Variants in TMEM135 observed in about 807,000 individuals in gnomAD.
TMEM135 encodes peroxisomal membrane protein 52.
A neutral mutation model predicts 60.3 loss-of-function variants in TMEM135; 30 were observed. The observed-to-expected ratio is 0.50, with a 90% confidence interval of 0.37 to 0.68. TMEM135 has a LOEUF of 0.68. Among genes scored for constraint, TMEM135 ranks in the 30% least tolerant of loss-of-function variants. The pLI, the probability that TMEM135 is intolerant of heterozygous loss-of-function variation, is 0.00. For synonymous variants in TMEM135, 190 were observed against 186.7 expected, an observed-to-expected ratio of 1.02 and a Z score of -0.14; for missense variants, 468 against 548.8, an observed-to-expected ratio of 0.85 and a Z score of 1.47.
chr11:87,324,826 T>C lies in TMEM135; in HGVS notation c.*3493T>C, dbSNP rs1201717231. 2 of 453,826 alleles carry C rather than the reference T, an allele frequency of 4.4e-6. No individual in the cohort carries two copies. Among genetic ancestry groups the C allele is most frequent in the African/African-American group, 4.0e-5 (2 of 49,962 alleles). The allele number at this position is 453,826 out of a possible 1,614,324, so 28.1% of individuals were successfully genotyped here. A position where few individuals can be genotyped will look rare whatever the true frequency, so the allele number is the denominator to read the frequency against. ...AAAGTATACATTTCTTACTAAGATA[T>C]CTTATAAACATTCTCTCTCCTAACA... On this transcript the variant is annotated 3_prime_UTR_variant, in exon 15 of 15. Coordinates refer to ENST00000305494, the MANE Select transcript of TMEM135 (RefSeq NM_022918.4).
At chr11:87,069,385 T>C (rs1048076520) in intron 2 of TMEM135, among the ~76,000 whole-genome samples, 1 of 152,074 alleles carries the variant, frequency 6.6e-6, no homozygotes, top group Non-Finnish European at 1.5e-5. Context: ...CATCTTTATG[T>C]TCTATGAACC....
intron 4 of TMEM135, among the ~76,000 whole-genome samples, chr11:87,104,868 A>C (rs1366808797): frequency 6.6e-6 from 1 of 152,072 alleles, no homozygotes; most frequent in East Asian, 1.9e-4. Context: ...CTACAAACAG[A>C]GATTGTTTTA....
intron 4 of TMEM135, among the ~76,000 whole-genome samples, chr11:87,092,089 C>A (rs1857221267): frequency 6.6e-6 from 1 of 152,058 alleles, no homozygotes. Flanking sequence ...TTCTTGAATT[C>A]TGTAACAAGG....
intron 4 of TMEM135, among the ~76,000 whole-genome samples, chr11:87,125,392 CCT>C (rs1937697608): frequency 6.6e-6 from 1 of 152,056 alleles, no homozygotes; most frequent in South Asian, 2.1e-4. Context: ...TCTGGAAAGG[CCT>C]CTCTGGAGAG....
At chr11:87,301,385 C>T (rs1414112474) in intron 7 of TMEM135, among the ~76,000 whole-genome samples, 1 of 152,080 alleles carries the variant, frequency 6.6e-6, no homozygotes, top group Non-Finnish European at 1.5e-5. Flanking sequence ...TCCCAAGTAG[C>T]TGGGACTACA....
At chr11:87,305,762 C>T (rs932622975) in intron 8 of TMEM135, among the ~76,000 whole-genome samples, 174 bp from the exon 9 acceptor site, 9 of 143,944 alleles carry the variant, frequency 6.3e-5, no homozygotes, top group Admixed American at 1.4e-4. Flanking sequence ...GGGACAAGAG[C>T]GAGACTTTAT....
At position 87,325,259 on chromosome 11, in the gene TMEM135, G is replaced by C. The variant is rs1169604417; in HGVS notation, c.*3926G>C. On this transcript the variant is annotated 3_prime_UTR_variant, in exon 15 of 15. Transcript: ENST00000305494. ...AGGGTAACTACAAAGAAATGAAACT[G>C]ACTCTAGTGTGTGTGACTTCTGGAA... 8.8e-6 allele frequency: 4 copies of C among 453,922 alleles called. No individual in the cohort carries two copies. The highest frequency in any genetic ancestry group is 1.8e-5 in the Non-Finnish European group (4 of 226,786). 28.1% of individuals were successfully genotyped at this position (453,922 alleles called of 1,614,324 possible).
At chr11:87,321,098 C>G in intron 14 of TMEM135, 103 bp from the exon 15 acceptor site, 1 of 1,076,446 alleles carries the variant, frequency 9.3e-7, no homozygotes, top group South Asian at 1.6e-5. Flanking sequence ...GCCACGTTAG[C>G]CTTTTCTGTT....
chr11:87,202,407 C>A (rs1424185325), intron 5 of TMEM135, among the ~76,000 whole-genome samples: 1 of 152,154 alleles, frequency 6.6e-6, no homozygotes, highest in East Asian at 1.9e-4. Context: ...CTTACTGCAA[C>A]CTCTGCCTCC....
At chr11:87,061,464 A>C (rs890625544) in intron 1 of TMEM135, among the ~76,000 whole-genome samples, 11 of 152,232 alleles carry the variant, frequency 7.2e-5, no homozygotes, top group African/African-American at 2.7e-4. Flanking sequence ...TTTTTGCTAG[A>C]GATTACTTTA....
chr11:87,228,251 G>T (rs1041375391), intron 5 of TMEM135, among the ~76,000 whole-genome samples: 1 of 152,028 alleles, frequency 6.6e-6, no homozygotes, highest in African/African-American at 2.4e-5. Flanking sequence ...TAGCAGATAT[G>T]GAATAAATAA....
intron 3 of TMEM135, among the ~76,000 whole-genome samples, chr11:87,081,644 A>G (rs1856994684): frequency 6.7e-6 from 1 of 148,804 alleles, no homozygotes. Context: ...TTGGGTTGCT[A>G]GTTTATTTTC....
At position 87,102,872 on chromosome 11, in the gene TMEM135, C is replaced by G. The variant is rs971335174; in HGVS notation, c.396+11477C>G. 4.6e-5 allele frequency among the ~76,000 whole-genome samples: 7 copies of G among 151,694 alleles called. No homozygotes were observed. In the South Asian group the frequency reaches 1.2e-3, roughly 27 times the overall value. Reference sequence around the variant, plus strand: ...TTATGTCCTTATTAACTATGGTCACCCTGCTGTGCAATATATCTCAAAAAT... The same window carrying G: ...TTATGTCCTTATTAACTATGGTCACGCTGCTGTGCAATATATCTCAAAAAT... On this transcript the variant is annotated intron_variant, in intron 4 of 14. Transcript: ENST00000305494.
At chr11:87,321,132 C>A in intron 14 of TMEM135, 69 bp from the exon 15 acceptor site, 1 of 1,395,488 alleles carries the variant, frequency 7.2e-7, no homozygotes, top group Non-Finnish European at 9.8e-7. Flanking sequence ...TAAGATAAGT[C>A]AACTAAAATG....
intron 6 of TMEM135, chr11:87,277,543 C>CA (rs1405367375): frequency 6.6e-6 from 1 of 152,542 alleles, no homozygotes; most frequent in Non-Finnish European, 1.5e-5. Flanking sequence ...TTTTTTGAGA[C>CA]AGAGTTTTGC....
intron 10 of TMEM135, among the ~76,000 whole-genome samples, chr11:87,310,153 C>T (rs954358358): frequency 2.6e-5 from 4 of 151,266 alleles, no homozygotes; most frequent in African/African-American, 9.8e-5. Flanking sequence ...TCCCTTCTTC[C>T]ACCCACTCAC....
intron 4 of TMEM135, among the ~76,000 whole-genome samples, chr11:87,114,315 G>A (rs1857823891): frequency 1.3e-5 from 2 of 151,980 alleles, no homozygotes; most frequent in African/African-American, 4.8e-5. Context: ...GTTTAAATAG[G>A]AACTCAGAGG....
chr11:87,055,912 G>A (rs554661951), intron 1 of TMEM135, among the ~76,000 whole-genome samples: 7 of 152,254 alleles, frequency 4.6e-5, no homozygotes, highest in African/African-American at 1.7e-4. Flanking sequence ...AAAGAATTCA[G>A]GGCAAGTCCG....
chr11:87,079,298 G>A (rs182931726), intron 3 of TMEM135, among the ~76,000 whole-genome samples: 67 of 152,266 alleles, frequency 4.4e-4, no homozygotes, highest in East Asian at 2.3e-3. Flanking sequence ...GAGCCACTGC[G>A]CCTGGCCATG....
Sources: gnomAD v4.1 joint callset for allele counts (sites outside exome capture counted in the v4.1 genomes callset) on GRCh38, gnomAD v4.1.1 for gene constraint, MANE v1.5 for transcripts, NCBI Gene and HGNC (gene_info 2026-07-23, HGNC 2026-07-21) for gene names.